NEK1: variants seen among roughly 807,000 people sequenced by gnomAD.
NEK1 encodes serine/threonine-protein kinase Nek1.
Under a neutral mutation model 182.1 loss-of-function variants are expected in NEK1, and 137 were observed. The ratio of observed to expected loss-of-function variants is 0.75; its 90% CI spans 0.65 to 0.87. The LOEUF (loss-of-function observed/expected upper bound fraction) is 0.87, where lower values mean the gene tolerates loss of function less well. NEK1 is among the 40% of genes least tolerant of loss of function. The pLI is 0.00. For missense variants in NEK1, 1,391 were observed against 1,494.4 expected, an observed-to-expected ratio of 0.93 and a Z score of 1.14; for synonymous variants, 513 against 492.2, an observed-to-expected ratio of 1.04 and a Z score of -0.56.
chr4:169,560,119 ATATC>A (rs564575524), intron 16 of NEK1, among the ~76,000 whole-genome samples: 27 of 152,346 alleles, frequency 1.8e-4, no homozygotes, highest in African/African-American at 6.5e-4. Context: ...GCTTAAAACA[ATATC>A]TATTTATAAT....
chr4:169,405,277 T>C (rs527398160), intron 32 of NEK1, among the ~76,000 whole-genome samples: 1 of 152,222 alleles, frequency 6.6e-6, no homozygotes, highest in Non-Finnish European at 1.5e-5. Flanking sequence ...CTGTACAGCA[T>C]ATGACTGTAC....
intron 19 of NEK1, among the ~76,000 whole-genome samples, chr4:169,522,336 G>A (rs1462503675): frequency 6.6e-6 from 1 of 152,070 alleles, no homozygotes; most frequent in East Asian, 1.9e-4. Context: ...ACCCTTGTCA[G>A]GTAATTCCTA....
intron 18 of NEK1, among the ~76,000 whole-genome samples, chr4:169,546,842 TC>T (rs1760554324): frequency 6.6e-6 from 1 of 152,194 alleles, no homozygotes; most frequent in Non-Finnish European, 1.5e-5. Context: ...TATTCCTCCA[TC>T]CCTTTATTTT....
intron 19 of NEK1, among the ~76,000 whole-genome samples, chr4:169,514,622 T>A (rs1224792182): frequency 6.6e-6 from 1 of 152,230 alleles, no homozygotes; most frequent in East Asian, 1.9e-4. Context: ...ATAGGATTGG[T>A]TCATCTCTTC....
chr4:169,473,418 T>C (rs1398189688), intron 26 of NEK1, among the ~76,000 whole-genome samples: 2 of 152,120 alleles, frequency 1.3e-5, no homozygotes, highest in Non-Finnish European at 2.9e-5. Context: ...CAATTACCTA[T>C]TGGGGTACCA....
At chr4:169,550,568 C>T (rs1282947879) in intron 18 of NEK1, among the ~76,000 whole-genome samples, 4 of 152,172 alleles carry the variant, frequency 2.6e-5, no homozygotes, top group African/African-American at 9.7e-5. Context: ...TCCTGCCTCA[C>T]AGTATTGGTG....
chr4:169,475,595 G>T (rs1332952400), intron 26 of NEK1, among the ~76,000 whole-genome samples: 1 of 152,138 alleles, frequency 6.6e-6, no homozygotes, highest in Non-Finnish European at 1.5e-5. Flanking sequence ...CTGCAAAGAA[G>T]CAGAAGAATA....
In NEK1 at chr4:169,602,642, T is replaced by A. The variant is rs1448239038; in HGVS notation, c.-12A>T. 2.1e-6 allele frequency: 3 copies of A among 1,426,516 alleles called. No homozygotes were observed. In the Admixed American group the frequency reaches 5.1e-5, roughly 24 times the overall value. 88.4% of individuals were successfully genotyped at this position (1,426,516 alleles called of 1,614,324 possible). A position where few individuals can be genotyped will look rare whatever the true frequency, so the allele number is the denominator to read the frequency against. On this transcript the variant is annotated 5_prime_UTR_variant, in exon 3 of 36. It removes the in-frame stop codon of an upstream open reading frame in the 5' UTR. Coordinates refer to ENST00000507142, the MANE Select transcript of NEK1 (RefSeq NM_001199397.3). Reference sequence around the variant, plus strand: ...ACATACTTCTCCATGATTCTTTTTCTAAGGCATCTTTACAGATATGCTAGA... The same window carrying A: ...ACATACTTCTCCATGATTCTTTTTCAAAGGCATCTTTACAGATATGCTAGA...
At chr4:169,409,212 T>A (rs1733194775) in intron 31 of NEK1, among the ~76,000 whole-genome samples, 1 of 152,064 alleles carries the variant, frequency 6.6e-6, no homozygotes, top group Non-Finnish European at 1.5e-5. Context: ...TGGCGCGATC[T>A]CGGCTCACTG....
chr4:169,400,115 C>G (rs1453190286), intron 35 of NEK1, 110 bp downstream of exon 35: 2 of 1,046,122 alleles, frequency 1.9e-6, no homozygotes, highest in African/African-American at 3.2e-5. Flanking sequence ...TTATATAGTT[C>G]CCAAGTAGAT....
At chr4:169,601,937 T>C (rs1054984287) in intron 4 of NEK1, 71 bp downstream of exon 4, 3 of 1,069,448 alleles carry the variant, frequency 2.8e-6, no homozygotes, top group Non-Finnish European at 4.3e-6. Flanking sequence ...ATCTTTTTCC[T>C]AAGAATGCAT....
At chr4:169,509,595 T>C (rs1338879066) in intron 19 of NEK1, among the ~76,000 whole-genome samples, 2 of 152,128 alleles carry the variant, frequency 1.3e-5, no homozygotes, top group African/African-American at 4.8e-5. Flanking sequence ...CCATTATGAC[T>C]GAAAATTTTC....
At chr4:169,605,256 T>C (rs767154999) in intron 2 of NEK1, among the ~76,000 whole-genome samples, 11 of 152,192 alleles carry the variant, frequency 7.2e-5, no homozygotes, top group Non-Finnish European at 1.6e-4. Flanking sequence ...TCCCCAGTGT[T>C]GCATTCTACT....
intron 23 of NEK1, among the ~76,000 whole-genome samples, chr4:169,493,797 C>A (rs1250215106): frequency 2.0e-5 from 3 of 152,086 alleles, no homozygotes; most frequent in Non-Finnish European, 4.4e-5. Flanking sequence ...TTATGTAAAG[C>A]AACCAAACCA....
intron 31 of NEK1, among the ~76,000 whole-genome samples, chr4:169,407,223 C>T (rs1732803641): frequency 6.6e-6 from 1 of 152,168 alleles, no homozygotes; most frequent in African/African-American, 2.4e-5. Flanking sequence ...TCTCATCTTC[C>T]TATGGTCAAC....
At chr4:169,409,394 T>C (rs1418090888) in intron 31 of NEK1, among the ~76,000 whole-genome samples, 2 of 152,062 alleles carry the variant, frequency 1.3e-5, no homozygotes, top group Non-Finnish European at 2.9e-5. Flanking sequence ...TCTGCCCGTC[T>C]TGGCCTCCCA....
intron 26 of NEK1, among the ~76,000 whole-genome samples, chr4:169,469,179 C>T (rs1159243449): frequency 6.6e-6 from 1 of 151,824 alleles, no homozygotes; most frequent in Non-Finnish European, 1.5e-5. Flanking sequence ...TTTGTTTGCT[C>T]TTGCTTCTCT....
intron 16 of NEK1, among the ~76,000 whole-genome samples, chr4:169,560,729 AATT>A (rs1762782115): frequency 6.6e-6 from 1 of 152,164 alleles, no homozygotes; most frequent in African/African-American, 2.4e-5. Context: ...AGGAAAGGGA[AATT>A]ACTATAGAAG....
At chr4:169,608,102 G>GAC (rs1235995212) in intron 2 of NEK1, among the ~76,000 whole-genome samples, 43 of 108,890 alleles carry the variant, frequency 3.9e-4, no homozygotes, top group African/African-American at 8.9e-4. Context: ...TTAAAGTTCA[G>GAC]ACACACACAC....
Sources: allele counts gnomAD v4.1 joint callset (sites outside exome capture counted in the v4.1 genomes callset), GRCh38; gene constraint gnomAD v4.1.1; transcripts MANE v1.5; gene names NCBI Gene and HGNC (gene_info 2026-07-23, HGNC 2026-07-21).